Variants in TSHZ2 observed in about 807,000 individuals in gnomAD.
The protein encoded by TSHZ2 is teashirt zinc finger homeobox 2.
TSHZ2 carries 21 observed loss-of-function variants against 74.4 expected under a neutral mutation model. The observed-to-expected ratio is 0.28, with a 90% CI of 0.20 to 0.41. TSHZ2 has a LOEUF of 0.41. Among genes scored for constraint, TSHZ2 ranks in the 10% least tolerant of loss-of-function variants. The pLI is 1.00. For missense variants in TSHZ2, 1,244 were observed against 1,293.5 expected (o/e 0.96, Z 0.59); for synonymous variants, 540 against 515.3 (o/e 1.05, Z -0.65).
chr20:53,405,746 A>C (rs1465309484), intron 2 of TSHZ2, among the ~76,000 whole-genome samples: 1 of 152,208 alleles, frequency 6.6e-6, no homozygotes, highest in African/African-American at 2.4e-5. Flanking sequence ...CAGTAATGCC[A>C]GCATTTCAGG....
chr20:53,008,787 T>C (rs1054443234), intron 1 of TSHZ2, among the ~76,000 whole-genome samples: 3 of 152,104 alleles, frequency 2.0e-5, no homozygotes, highest in Non-Finnish European at 2.9e-5. Flanking sequence ...GGGGAATACA[T>C]TCCAAGACCT....
intron 2 of TSHZ2, among the ~76,000 whole-genome samples, chr20:53,404,925 G>A (rs552462223): frequency 2.8e-4 from 43 of 152,282 alleles, no homozygotes; most frequent in African/African-American, 1.0e-3. Flanking sequence ...GACTGCTTCT[G>A]TTCTTCCACG....
chr20:53,138,837 C>T (rs1431672072), intron 1 of TSHZ2, among the ~76,000 whole-genome samples: 1 of 152,196 alleles, frequency 6.6e-6, no homozygotes. Context: ...CAGGGCTGTG[C>T]CCAAGTCTCT....
chr20:53,186,582 C>G (rs564216231), intron 1 of TSHZ2, among the ~76,000 whole-genome samples: 51 of 152,300 alleles, frequency 3.3e-4, no homozygotes, highest in African/African-American at 1.1e-3. Flanking sequence ...CCATCCTCAC[C>G]ACCTGTATTG....
At chr20:53,025,341 C>T (rs935703022) in intron 1 of TSHZ2, among the ~76,000 whole-genome samples, 1 of 152,014 alleles carries the variant, frequency 6.6e-6, no homozygotes, top group Non-Finnish European at 1.5e-5. Context: ...ATTCAAAGAT[C>T]TGGTTGTCAA....
At chr20:53,196,130 A>G (rs888315199) in intron 1 of TSHZ2, 3 of 152,108 alleles carry the variant, frequency 2.0e-5, no homozygotes, top group African/African-American at 7.2e-5. Flanking sequence ...TCTTCTGTTT[A>G]TGCCACATGG....
At chr20:53,378,711 T>C (rs1402119555) in intron 2 of TSHZ2, among the ~76,000 whole-genome samples, 1 of 152,198 alleles carries the variant, frequency 6.6e-6, no homozygotes, top group African/African-American at 2.4e-5. Context: ...GTTTGAATTG[T>C]CTATTTATTG....
chr20:53,380,861 C>T (rs555970956), intron 2 of TSHZ2, among the ~76,000 whole-genome samples: 6 of 152,258 alleles, frequency 3.9e-5, no homozygotes, highest in South Asian at 4.1e-4. Flanking sequence ...ATTATATTAT[C>T]GCTAGCATTC....
chr20:53,162,865 G>C (rs933397611), intron 1 of TSHZ2, among the ~76,000 whole-genome samples: 6 of 152,118 alleles, frequency 3.9e-5, no homozygotes, highest in Non-Finnish European at 8.8e-5. Context: ...GTTGGAAGCA[G>C]GTTTAAAATG....
chr20:53,000,625 T>G (rs2741362), intron 1 of TSHZ2, among the ~76,000 whole-genome samples: 65,571 of 152,010 alleles, frequency 0.43, 14,521 homozygotes, highest in Non-Finnish European at 0.47. Context: ...TCATGCAAGT[T>G]ATAGAAATGG....
chr20:53,091,883 A>G (rs370973289), intron 1 of TSHZ2, among the ~76,000 whole-genome samples: 2 of 152,122 alleles, frequency 1.3e-5, no homozygotes, highest in East Asian at 1.9e-4. Flanking sequence ...GTCTCTACTA[A>G]AAATAAAAAT....
Position 53,383,106 on chromosome 20 carries a change from A to G in TSHZ2, c.*9-104038A>G, listed in dbSNP as rs374510265. On this transcript the variant is annotated intron_variant, in intron 2 of 2. Coordinates refer to ENST00000371497, the MANE Select transcript of TSHZ2 (RefSeq NM_173485.6). ...TGAAACCCCGTCTCTAATAAAATAC[A>G]AAAGAAATTAGCCGGGGGTGGCGGT... 3.9e-5 allele frequency among the ~76,000 whole-genome samples: 6 copies of G among 152,010 alleles called. No individual in the cohort carries two copies. The East Asian group carries it at 9.7e-4, about 25-fold the overall frequency.
At chr20:53,355,223 G>A (rs1158258125) in intron 2 of TSHZ2, among the ~76,000 whole-genome samples, 1 of 152,200 alleles carries the variant, frequency 6.6e-6, no homozygotes, top group African/African-American at 2.4e-5. Flanking sequence ...TGTTCTGAGG[G>A]AAATTAACAT....
intron 1 of TSHZ2, among the ~76,000 whole-genome samples, chr20:52,988,251 C>A (rs1981845923): frequency 6.6e-6 from 1 of 152,062 alleles, no homozygotes; most frequent in Non-Finnish European, 1.5e-5. Flanking sequence ...CAAGCACTGG[C>A]TACATTCAGG....
intron 1 of TSHZ2, among the ~76,000 whole-genome samples, chr20:53,208,157 A>G (rs1989218035): frequency 6.6e-6 from 1 of 152,144 alleles, no homozygotes; most frequent in African/African-American, 2.4e-5. Context: ...TCGCCCTAAG[A>G]CCAATTTCTT....
At chr20:53,187,690 A>T (rs149677878) in intron 1 of TSHZ2, among the ~76,000 whole-genome samples, 91 of 140,582 alleles carry the variant, frequency 6.5e-4, no homozygotes, top group African/African-American at 2.1e-3. Context: ...AAAAGTTCTC[A>T]GTGCTGTTTT....
intron 2 of TSHZ2, among the ~76,000 whole-genome samples, chr20:53,286,922 CA>C (rs1201313218): frequency 7.8e-4 from 114 of 146,622 alleles, no homozygotes; most frequent in Non-Finnish European, 1.4e-3. Flanking sequence ...CACACACACA[CA>C]CACGTAACAC....
chr20:53,350,548 C>T (rs141636121), intron 2 of TSHZ2, among the ~76,000 whole-genome samples: 4 of 152,190 alleles, frequency 2.6e-5, no homozygotes, highest in Non-Finnish European at 4.4e-5. Context: ...TTCATTGTGA[C>T]CTTGTATCCT....
At chr20:53,272,677 A>G (rs1240491442) in intron 2 of TSHZ2, among the ~76,000 whole-genome samples, 7 of 152,184 alleles carry the variant, frequency 4.6e-5, no homozygotes, top group Admixed American at 4.6e-4. Context: ...CAGCCAGAAA[A>G]GTATGAGGAT....
Sources: allele counts gnomAD v4.1 joint callset (sites outside exome capture counted in the v4.1 genomes callset), GRCh38; gene constraint gnomAD v4.1.1; transcripts MANE v1.5; gene names NCBI Gene and HGNC (gene_info 2026-07-23, HGNC 2026-07-21).